Variants in RBFOX3 observed in about 807,000 individuals in gnomAD.
RBFOX3 encodes RNA binding fox-1 homolog 3, also known as RNA binding protein fox-1 homolog 3.
A neutral mutation model predicts 48.7 loss-of-function variants in RBFOX3; 17 were observed. That is an observed-to-expected ratio of 0.35 (90% confidence interval 0.24 to 0.52). The LOEUF (loss-of-function observed/expected upper bound fraction) is 0.52, where lower values mean the gene tolerates loss of function less well. Ranked by LOEUF, RBFOX3 falls within the 20% of genes least tolerant of loss-of-function variation. The pLI is 0.94. For missense variants in RBFOX3, 382 were observed against 497.5 expected (o/e 0.77, Z 2.21); for synonymous variants, 212 against 209.5 (o/e 1.01, Z -0.10).
Position 79,299,133 on chromosome 17 carries a change from A to C in RBFOX3, c.-74+8591T>G, listed in dbSNP as rs556878639. 7.6e-6 allele frequency among the ~76,000 whole-genome samples: 1 copy of C among 132,442 alleles called. No individual in the cohort carries two copies. Among genetic ancestry groups the C allele is most frequent in the African/African-American group, 2.9e-5 (1 of 34,518 alleles). The allele number at this position is 132,442 out of a possible 152,430, so 86.9% of individuals were successfully genotyped here. ...GAAATGAACTAATAAATAAGAGGCC[A>C]GGTGTGGTATCTCGGTGCTGGCAAA... On this transcript the variant is annotated intron_variant, in intron 3 of 14. Coordinates refer to ENST00000693108, the MANE Select transcript of RBFOX3 (RefSeq NM_001350451.2). The surrounding 1 kb of genome is among the most constrained non-coding windows in gnomAD (Gnocchi z 4.5).
At chr17:79,510,555 G>A (rs1170218010) in intron 1 of RBFOX3, among the ~76,000 whole-genome samples, 3 of 152,278 alleles carry the variant, frequency 2.0e-5, no homozygotes, top group East Asian at 1.9e-4. Context: ...AACATTCCCC[G>A]TGTAAAGTTG....
rs973723789 is a variant in RBFOX3 at position 79,232,250 on chromosome 17, AT to A, written c.-34+3515del. Among the ~76,000 whole-genome samples the A allele has an allele frequency of 1.2e-3, 182 of 151,808 alleles. 1 individual carries two copies. Among genetic ancestry groups the A allele is most frequent in the Non-Finnish European group, 2.0e-3 (138 of 67,916 alleles). On this transcript the variant is annotated intron_variant, in intron 4 of 14. Transcript: ENST00000693108. Reference sequence around the variant, plus strand: ...AATCCCGATCAAAATCCCAGCAGGCATTTTTTTTTCTTAGAAATTTACACAC... The same window carrying A: ...AATCCCGATCAAAATCCCAGCAGGCATTTTTTTTCTTAGAAATTTACACAC...
At chr17:79,172,784 G>A (rs1181235633) in intron 4 of RBFOX3, among the ~76,000 whole-genome samples, 3 of 152,238 alleles carry the variant, frequency 2.0e-5, no homozygotes, top group Admixed American at 6.5e-5. Flanking sequence ...AGACAGTACA[G>A]ACACAAGAAT....
At chr17:79,349,543 C>G (rs542972640) in intron 2 of RBFOX3, among the ~76,000 whole-genome samples, 1 of 152,216 alleles carries the variant, frequency 6.6e-6, no homozygotes, top group South Asian at 2.1e-4. Context: ...TTGAAGCACC[C>G]CAGGATGCCT....
chr17:79,465,682 C>A (rs1555753253), intron 2 of RBFOX3, among the ~76,000 whole-genome samples: 1 of 152,208 alleles, frequency 6.6e-6, no homozygotes, highest in East Asian at 1.9e-4. Context: ...CCGTGGCCAG[C>A]TTCTGGCCTG....
At chr17:79,542,586 T>C (rs1436096672) in intron 1 of RBFOX3, among the ~76,000 whole-genome samples, 2 of 152,132 alleles carry the variant, frequency 1.3e-5, no homozygotes, top group African/African-American at 2.4e-5. Context: ...GAGTTCGAGA[T>C]CAGCCTGGCC....
At chr17:79,544,961 C>A (rs1278814884) in intron 1 of RBFOX3, among the ~76,000 whole-genome samples, 1 of 140,566 alleles carries the variant, frequency 7.1e-6, no homozygotes. Flanking sequence ...CACCACCCAC[C>A]ACATCATTAA....
chr17:79,617,529 CCCGTGGCCA>C, the RBFOX3 span, among the ~76,000 whole-genome samples: 1 of 152,158 alleles, frequency 6.6e-6, no homozygotes, highest in African/African-American at 2.4e-5. Context: ...TGCAGGTGGC[CCCGTGGCCA>C]AGTCCCTTTC....
chr17:79,594,885 C>T (rs2093527335), intron 1 of RBFOX3, among the ~76,000 whole-genome samples: 1 of 152,174 alleles, frequency 6.6e-6, no homozygotes, highest in Non-Finnish European at 1.5e-5. Context: ...GAAGCCTCCA[C>T]TGGGAATTTC....
intron 2 of RBFOX3, among the ~76,000 whole-genome samples, chr17:79,346,529 G>A (rs79712764): frequency 0.012 from 1,822 of 152,270 alleles, 31 homozygotes; most frequent in African/African-American, 0.042. Context: ...CCAGATATGC[G>A]ATAGGAGAAG....
intron 1 of RBFOX3, among the ~76,000 whole-genome samples, chr17:79,522,660 T>C (rs2086265471): frequency 6.6e-6 from 1 of 151,866 alleles, no homozygotes; most frequent in Non-Finnish European, 1.5e-5. Context: ...CTGGGCGTGG[T>C]GGCTCACGCC....
intron 1 of RBFOX3, among the ~76,000 whole-genome samples, chr17:79,547,650 C>T (rs180833755): frequency 2.6e-4 from 39 of 152,278 alleles, no homozygotes; most frequent in African/African-American, 9.4e-4. Context: ...TTTCGGGGAA[C>T]ATCCACTGGG....
At position 79,114,348 on chromosome 17, in the gene RBFOX3, C is replaced by T. The variant is rs541668856; in HGVS notation, c.222+1146G>A. On this transcript the variant is annotated intron_variant, in intron 5 of 14. Coordinates refer to ENST00000693108, the MANE Select transcript of RBFOX3 (RefSeq NM_001350451.2). ...ACCCTGGGTATCAGGATGCTGGGGG[C>T]GCTGGAAAGGCTGATGGTCTCGGGG... is the stretch of plus-strand genomic sequence containing the variant. Among the ~76,000 whole-genome samples, 3 of 152,122 alleles carry T rather than the reference C, an allele frequency of 2.0e-5. No individual in the cohort carries two copies. The South Asian group carries it at 6.3e-4, about 32-fold the overall frequency.
chr17:79,101,105 C>T (rs2076346674), intron 9 of RBFOX3, among the ~76,000 whole-genome samples: 3 of 152,152 alleles, frequency 2.0e-5, no homozygotes, highest in Admixed American at 6.5e-5. Context: ...TCCTGTTTTG[C>T]AGATGAAGAG....
intron 4 of RBFOX3, among the ~76,000 whole-genome samples, chr17:79,190,872 G>A (rs1395986792): frequency 6.6e-6 from 1 of 152,190 alleles, no homozygotes; most frequent in African/African-American, 2.4e-5. Context: ...CTTGCATACC[G>A]ATGGGGAACA....
intron 3 of RBFOX3, among the ~76,000 whole-genome samples, chr17:79,273,161 C>T (rs1365010418): frequency 6.6e-6 from 1 of 152,122 alleles, no homozygotes; most frequent in Non-Finnish European, 1.5e-5. Context: ...CACTGCCCTG[C>T]CTGTGCCAGC....
chr17:79,128,168 C>G (rs2037824304), intron 4 of RBFOX3, among the ~76,000 whole-genome samples: 1 of 152,190 alleles, frequency 6.6e-6, no homozygotes, highest in Admixed American at 6.5e-5. Flanking sequence ...CAGGGGTCCC[C>G]CACTTGGCCT....
chr17:79,116,952 C>T (rs2034179865), intron 4 of RBFOX3, among the ~76,000 whole-genome samples: 1 of 152,254 alleles, frequency 6.6e-6, no homozygotes, highest in African/African-American at 2.4e-5. Context: ...CTCCAGCAAT[C>T]TGCGTGCACT....
At chr17:79,557,728 A>G (rs1433876236) in intron 1 of RBFOX3, among the ~76,000 whole-genome samples, 1 of 152,226 alleles carries the variant, frequency 6.6e-6, no homozygotes, top group Non-Finnish European at 1.5e-5. Context: ...ACAGCCATAA[A>G]CAAAGGCTAA....
Sources: gnomAD v4.1 joint callset for allele counts (sites outside exome capture counted in the v4.1 genomes callset) on GRCh38, gnomAD v4.1.1 for gene constraint, Gnocchi (gnomAD v3.1) non-coding constraint, MANE v1.5 for transcripts, NCBI Gene and HGNC (gene_info 2026-07-23, HGNC 2026-07-21) for gene names.